ADGRF5: variants seen among roughly 807,000 people sequenced by gnomAD.
ADGRF5 encodes adhesion G protein-coupled receptor F5.
A neutral mutation model predicts 132.3 loss-of-function variants in ADGRF5; 75 were observed. The ratio of observed to expected loss-of-function variants is 0.57; its 90% CI spans 0.47 to 0.69. The LOEUF (loss-of-function observed/expected upper bound fraction) is 0.69, where lower values mean the gene tolerates loss of function less well. Ranked by LOEUF, ADGRF5 falls within the 30% of genes least tolerant of loss-of-function variation. The probability of loss-of-function intolerance (pLI) is 0.00; values close to 1 mark genes in which losing one functional copy is unlikely to be tolerated. For synonymous variants in ADGRF5, 629 were observed against 597.6 expected, an observed-to-expected ratio of 1.05 and a Z score of -0.77; for missense variants, 1,516 against 1,630.6, an observed-to-expected ratio of 0.93 and a Z score of 1.21.
At chr6:46,948,289 A>G (rs1778371788) in intron 1 of ADGRF5, among the ~76,000 whole-genome samples, 1 of 152,244 alleles carries the variant, frequency 6.6e-6, no homozygotes. Context: ...ACCAAGATGC[A>G]AAAACTTAAG....
Position 46,879,846 on chromosome 6 carries a change from G to A in ADGRF5, c.1008C>T (p.Thr336=). 2 of 1,613,330 alleles carry A rather than the reference G, an allele frequency of 1.2e-6. No individual in the cohort carries two copies. The highest frequency in any genetic ancestry group is 1.7e-6 in the Non-Finnish European group (2 of 1,179,254). Residue 336 remains threonine, a synonymous_variant, in exon 9 of 21, where the codon ACC becomes ACT. Coordinates refer to ENST00000283296, the MANE Select transcript of ADGRF5 (RefSeq NM_001098518.2). ...FNNMTSVSKL[T]IHNITPGDAG... ...CATCACCTGGAGTGATGTTGTGGAT[G>A]GTGAGCTTGGACACCGAAGTCATGT...
upstream of ADGRF5, among the ~76,000 whole-genome samples, chr6:46,926,225 T>C (rs1263453684): frequency 1.3e-5 from 2 of 152,168 alleles, no homozygotes; most frequent in Non-Finnish European, 2.9e-5. Context: ...CAATAGACAG[T>C]GTTATTACAC....
chr6:46,922,519 T>C (rs1231550040), upstream of ADGRF5, among the ~76,000 whole-genome samples: 1 of 152,126 alleles, frequency 6.6e-6, no homozygotes, highest in Non-Finnish European at 1.5e-5. Flanking sequence ...TAAGGAGATA[T>C]ATGGTAAAGG....
intron 2 of ADGRF5, among the ~76,000 whole-genome samples, chr6:46,901,429 C>G (rs78514406): frequency 0.093 from 14,129 of 152,258 alleles, 907 homozygotes; most frequent in Middle Eastern, 0.15. Context: ...ATGACCGCCA[C>G]CTGGGGCAGA....
rs546735068 is a variant in ADGRF5 at position 46,913,720 on chromosome 6, G to A, written c.-24-6934C>T. 1.4e-4 allele frequency among the ~76,000 whole-genome samples: 21 copies of A among 152,274 alleles called. No homozygotes were observed. In the South Asian group the frequency reaches 1.9e-3, roughly 14 times the overall value. ...GAGATGGTGAGTACATGAAACTCAC[G>A]AAATTTGTTTGTAAATTGAAGTAGA... On this transcript the variant is annotated intron_variant, in intron 1 of 20. Coordinates refer to ENST00000283296, the MANE Select transcript of ADGRF5 (RefSeq NM_001098518.2).
In ADGRF5 at chr6:46,940,572, C is replaced by G. The variant is rs1015651844; in HGVS notation, c.-25+14162G>C. Reference sequence around the variant, plus strand: ...CATATTTCCACCTGCATAACCCATCCTGTAAAGACTCAGATTCAGACCATT... The same window carrying G: ...CATATTTCCACCTGCATAACCCATCGTGTAAAGACTCAGATTCAGACCATT... On this transcript the variant is annotated intron_variant, in intron 1 of 20. Coordinates refer to the ADGRF5 transcript ENST00000265417. Among the ~76,000 whole-genome samples the G allele has an allele frequency of 7.2e-5, 11 of 152,160 alleles. 1 individual carries two copies. The highest frequency in any genetic ancestry group is 1.5e-5 in the Non-Finnish European group (1 of 68,030).
At chr6:46,878,428 T>G in intron 9 of ADGRF5, 23 bp from the exon 10 acceptor site, 1 of 1,370,992 alleles carries the variant, frequency 7.3e-7, no homozygotes, top group Non-Finnish European at 1.0e-6. Flanking sequence ...CACAAAATCA[T>G]GTATTATTAT....
At position 46,871,988 on chromosome 6, in the gene ADGRF5, A is replaced by G; in HGVS notation, c.1266T>C (p.Ser422=). The change falls in exon 11 of 21, where the codon TCT becomes TCC. Residue 422 remains serine (S), a synonymous_variant. Coordinates refer to ENST00000283296, the MANE Select transcript of ADGRF5 (RefSeq NM_001098518.2). ...CCTTGAGGGTGTATCTGCTGCAGCT[A>G]GAATCTATGTCTGTCTCAGGGGTTC... ...IPGTPETDID[S]SCSRYTLKAD... 1 of 1,610,216 alleles carries G rather than the reference A, an allele frequency of 6.2e-7. No individual in the cohort carries two copies. The highest frequency in any genetic ancestry group is 1.7e-4 in the Middle Eastern group (1 of 6,036).
chr6:46,866,763 C>T (rs1770498004), intron 13 of ADGRF5, among the ~76,000 whole-genome samples, 162 bp downstream of exon 13: 1 of 152,032 alleles, frequency 6.6e-6, no homozygotes, highest in Admixed American at 6.6e-5. Context: ...AACCACTAGC[C>T]ACATAGCAAA....
intron 1 of ADGRF5, among the ~76,000 whole-genome samples, chr6:46,911,993 G>A (rs1775994607): frequency 6.6e-6 from 1 of 151,962 alleles, no homozygotes; most frequent in African/African-American, 2.4e-5. Context: ...ACTAAACTCA[G>A]CACCGACAAT....
rs1769411970 is a variant in ADGRF5 at position 46,859,103 on chromosome 6, T to C, written c.2800A>G (p.Met934Val). Reference sequence around the variant, plus strand: ...AAAGTCATTGAAATCCTGAATGGCATAGTTGTATTGTGGCTGACAGTGGTT... The same window carrying C: ...AAAGTCATTGAAATCCTGAATGGCACAGTTGTATTGTGGCTGACAGTGGTT... The part of the protein sequence containing the change: ...MTTTVSHNTT[M>V]PFRISMTFKN... Residue 934 changes from methionine (M) to valine (V), a missense_variant, in exon 17 of 21, where the codon ATG becomes GTG. Around this residue, in one of 2 missense-constraint regions of ADGRF5, gnomAD observed 571 missense variants for 701.2 expected, o/e 0.81. Transcript: ENST00000283296. 1 of 1,613,932 alleles carries C rather than the reference T, an allele frequency of 6.2e-7. No homozygotes were observed. Among genetic ancestry groups the C allele is most frequent in the East Asian group, 2.2e-5 (1 of 44,878 alleles).
intron 3 of ADGRF5, among the ~76,000 whole-genome samples, chr6:46,892,800 T>C (rs1235180105): frequency 3.9e-5 from 6 of 152,104 alleles, no homozygotes; most frequent in Admixed American, 1.3e-4. Context: ...TTGTGACCCA[T>C]TGTCATTGAC....
At chr6:46,934,339 C>A (rs1208021676) in intron 1 of ADGRF5, among the ~76,000 whole-genome samples, 1 of 152,192 alleles carries the variant, frequency 6.6e-6, no homozygotes, top group Non-Finnish European at 1.5e-5. Flanking sequence ...TGGACCAGAT[C>A]TTTTATTGAC....
intron 1 of ADGRF5, among the ~76,000 whole-genome samples, chr6:46,946,835 T>C (rs1039113621): frequency 6.6e-6 from 1 of 152,188 alleles, no homozygotes; most frequent in Admixed American, 6.5e-5. Flanking sequence ...TACATGTGTA[T>C]GTGCATGGTG....
chr6:46,878,651 T>A (rs1222229561), intron 9 of ADGRF5, among the ~76,000 whole-genome samples: 2 of 151,822 alleles, frequency 1.3e-5, no homozygotes, highest in Admixed American at 6.6e-5. Context: ...ACTTTTCTAA[T>A]AAGAAAAAAA....
chr6:46,931,682 G>T (rs1288170206), intron 1 of ADGRF5, among the ~76,000 whole-genome samples: 3 of 152,154 alleles, frequency 2.0e-5, no homozygotes, highest in Non-Finnish European at 4.4e-5. Context: ...GACCTCATCT[G>T]GTGTCACACT....
chr6:46,896,841 CT>C (rs143594326), intron 3 of ADGRF5, among the ~76,000 whole-genome samples: 1 of 151,820 alleles, frequency 6.6e-6, no homozygotes, highest in Non-Finnish European at 1.5e-5. Context: ...CATGTACAGC[CT>C]TTTTTTCATG....
In ADGRF5 at chr6:46,881,918, T is replaced by A. The variant is rs1315262575; in HGVS notation, c.671+131A>T. On this transcript the variant is annotated intron_variant, in intron 7 of 20. Transcript: ENST00000283296. ...GTACATCTGTAAGGGGTGAGGTACT[T>A]TTTTCACCTCTACCAAACTGCTCCT... The A allele has an allele frequency of 6.5e-6, 5 of 773,786 alleles. No homozygotes were observed. In the East Asian group the frequency reaches 9.8e-5, roughly 15 times the overall value. 47.9% of individuals were successfully genotyped at this position (773,786 alleles called of 1,614,324 possible).
chr6:46,920,255 T>G (rs914949709), intron 1 of ADGRF5, among the ~76,000 whole-genome samples: 30 of 152,152 alleles, frequency 2.0e-4, no homozygotes, highest in African/African-American at 5.8e-4. Context: ...GTTACTAATA[T>G]TATTAATTGT....
Sources: allele counts gnomAD v4.1 joint callset (sites outside exome capture counted in the v4.1 genomes callset), GRCh38; gene constraint gnomAD v4.1.1; regional missense constraint gnomAD v4.1.1; transcripts MANE v1.5; gene names NCBI Gene and HGNC (gene_info 2026-07-23, HGNC 2026-07-21).